KCNH1: variants seen among roughly 807,000 people sequenced by gnomAD.
KCNH1 encodes potassium voltage-gated channel subfamily H member 1, also known as voltage-gated delayed rectifier potassium channel KCNH1.
A neutral mutation model predicts 69.2 loss-of-function variants in KCNH1; 27 were observed. That is an observed-to-expected ratio of 0.39 (90% CI 0.29 to 0.54). The LOEUF is 0.54. KCNH1 is among the 20% of genes least tolerant of loss of function. The pLI is 0.68. For missense variants in KCNH1, 798 were observed against 1,261.6 expected (o/e 0.63, Z 5.57); for synonymous variants, 456 against 487.7 (o/e 0.93, Z 0.86).
Position 210,775,357 on chromosome 1 carries a change from C to T in KCNH1, c.2103G>A (p.Leu701=), listed in dbSNP as rs765689724. 1 of 1,614,022 alleles carries T rather than the reference C, an allele frequency of 6.2e-7. No individual in the cohort carries two copies. The highest frequency in any genetic ancestry group is 8.5e-7 in the Non-Finnish European group (1 of 1,179,940). Residue 701 remains leucine, a synonymous_variant, in exon 10 of 11, where the codon TTG becomes TTA. Coordinates refer to ENST00000271751, the MANE Select transcript of KCNH1 (RefSeq NM_172362.3). ...FSRNLILTYN[L]RKRIVFRKIS... is the part of the protein sequence containing the mutation. ...GAAACTTTTAGCTCACCCTCTTCCT[C>T]AAGTTGTACGTCAGAATCAGGTTCC...
chr1:210,714,328 G>T (rs1682158103), intron 10 of KCNH1, among the ~76,000 whole-genome samples: 1 of 152,198 alleles, frequency 6.6e-6, no homozygotes, highest in African/African-American at 2.4e-5. Flanking sequence ...TTTCGAGGTA[G>T]ACAAAAGGGT....
chr1:210,865,081 A>G lies in KCNH1; in HGVS notation c.1462+54559T>C, dbSNP rs1431390884. 2.0e-5 allele frequency among the ~76,000 whole-genome samples: 3 copies of G among 152,348 alleles called. No homozygotes were observed. The East Asian group carries it at 5.8e-4, about 29-fold the overall frequency. The stretch of plus-strand genomic sequence containing the variant: ...TTCTGCCATAGCCACAAGGCTTTCC[A>G]GGTTCAAGGGTAGAGAACAAGTATC... On this transcript the variant is annotated intron_variant, in intron 7 of 10. Transcript: ENST00000271751.
chr1:211,014,401 G>A (rs116111160), intron 6 of KCNH1, among the ~76,000 whole-genome samples: 1,774 of 152,174 alleles, frequency 0.012, 40 homozygotes, highest in African/African-American at 0.04. Flanking sequence ...ATTCTCAAAC[G>A]GCCTCCGAAA....
At chr1:210,758,386 G>T (rs1348792712) in intron 10 of KCNH1, among the ~76,000 whole-genome samples, 2 of 152,154 alleles carry the variant, frequency 1.3e-5, no homozygotes, top group Non-Finnish European at 2.9e-5. Context: ...TGAAGCCAAG[G>T]TTTCTCCCAG....
At chr1:210,840,845 C>T (rs931172136) in intron 7 of KCNH1, among the ~76,000 whole-genome samples, 1 of 152,174 alleles carries the variant, frequency 6.6e-6, no homozygotes, top group Non-Finnish European at 1.5e-5. Context: ...AAATCACAAG[C>T]TCACCAAAAC....
intron 6 of KCNH1, among the ~76,000 whole-genome samples, chr1:210,979,198 G>C (rs536236518): frequency 1.3e-5 from 2 of 152,164 alleles, no homozygotes; most frequent in Admixed American, 6.5e-5. Flanking sequence ...GCCAAACCTC[G>C]ATGCTAACAA....
At chr1:210,902,053 A>G (rs957538446) in intron 7 of KCNH1, among the ~76,000 whole-genome samples, 8 of 152,068 alleles carry the variant, frequency 5.3e-5, no homozygotes, top group Non-Finnish European at 1.2e-4. Flanking sequence ...AGAAGAGTGG[A>G]GGGGCCCCAG....
rs1288913682 is a variant in KCNH1, at chr1:211,134,080, G to A, written c.-135C>T. ...CGGCGGGGATCCGCAGGCAGGGCTG[G>A]CGGCTCCCTCTGGCTGCTACCCTCG... On this transcript the variant is annotated 5_prime_UTR_variant, in exon 1 of 11. Coordinates refer to ENST00000271751, the MANE Select transcript of KCNH1 (RefSeq NM_172362.3). This position sits in a 1 kb window ranked among gnomAD's most constrained non-coding sequence, Gnocchi z 5.7. 3 of 708,224 alleles carry A rather than the reference G, an allele frequency of 4.2e-6. No homozygotes were observed. The highest frequency in any genetic ancestry group is 5.4e-5 in the Admixed American group (2 of 36,940). 43.9% of individuals were successfully genotyped at this position (708,224 alleles called of 1,614,324 possible). A position where few individuals can be genotyped will look rare whatever the true frequency, so the allele number is the denominator to read the frequency against.
At chr1:210,788,529 G>C (rs1346925749) in intron 9 of KCNH1, among the ~76,000 whole-genome samples, 1 of 152,084 alleles carries the variant, frequency 6.6e-6, no homozygotes, top group Non-Finnish European at 1.5e-5. Context: ...TTCGGGGACT[G>C]TAAACCAATT....
At chr1:211,002,026 T>TG (rs1235601786) in intron 6 of KCNH1, among the ~76,000 whole-genome samples, 1,562 of 80,060 alleles carry the variant, frequency 0.02, 32 homozygotes, top group African/African-American at 0.056. Flanking sequence ...GTGGGGGGAG[T>TG]GGGGGGGGAT....
chr1:211,120,563 A>T (rs1691667691), intron 1 of KCNH1, among the ~76,000 whole-genome samples: 1 of 152,168 alleles, frequency 6.6e-6, no homozygotes, highest in Admixed American at 6.5e-5. Context: ...TATTATAGAC[A>T]ATTTGAACAA....
chr1:210,874,649 G>A lies in KCNH1; in HGVS notation c.1462+44991C>T, dbSNP rs566701080. On this transcript the variant is annotated intron_variant, in intron 7 of 10. Transcript: ENST00000271751. Reference sequence around the variant, plus strand: ...AGCACTGAATACTGTGCAGAACCATGTCAGGCACAATACAATAGATTTTTA... The same window carrying A: ...AGCACTGAATACTGTGCAGAACCATATCAGGCACAATACAATAGATTTTTA... 9.2e-5 allele frequency among the ~76,000 whole-genome samples: 14 copies of A among 152,234 alleles called. No homozygotes were observed. In the East Asian group the frequency reaches 2.7e-3, roughly 29 times the overall value.
chr1:210,984,620 A>T (rs1688791631), intron 6 of KCNH1, among the ~76,000 whole-genome samples: 5 of 152,230 alleles, frequency 3.3e-5, no homozygotes. Flanking sequence ...CCCAGGGATG[A>T]AGCCCACTTG....
At chr1:210,893,762 C>T (rs1349788477) in intron 7 of KCNH1, among the ~76,000 whole-genome samples, 1 of 151,990 alleles carries the variant, frequency 6.6e-6, no homozygotes, top group African/African-American at 2.4e-5. Flanking sequence ...CATAGCTCTT[C>T]GAAGCCTCTT....
intron 4 of KCNH1, 43 bp downstream of exon 4, chr1:211,090,519 C>T (rs747807709): frequency 1.6e-5 from 24 of 1,547,138 alleles, no homozygotes; most frequent in Admixed American, 2.2e-5. Context: ...ACAATAAAGA[C>T]AAAAAAGGCA....
chr1:210,967,373 C>T (rs967101303), intron 6 of KCNH1, among the ~76,000 whole-genome samples: 1 of 151,954 alleles, frequency 6.6e-6, no homozygotes, highest in African/African-American at 2.4e-5. Context: ...ATACCCTCTG[C>T]TATGCAAAGG....
chr1:211,078,175 G>A (rs184459206), intron 5 of KCNH1, among the ~76,000 whole-genome samples: 2 of 152,206 alleles, frequency 1.3e-5, no homozygotes, highest in African/African-American at 2.4e-5. Context: ...TCATGGGAGA[G>A]GTTAATAACC....
intron 7 of KCNH1, among the ~76,000 whole-genome samples, chr1:210,914,819 A>G (rs1687302370): frequency 6.6e-6 from 1 of 152,118 alleles, no homozygotes; most frequent in Non-Finnish European, 1.5e-5. Context: ...AAAGAAATGA[A>G]TTCAAAGAGA....
At chr1:210,907,310 C>T (rs1340302477) in intron 7 of KCNH1, among the ~76,000 whole-genome samples, 1 of 152,102 alleles carries the variant, frequency 6.6e-6, no homozygotes, top group Non-Finnish European at 1.5e-5. Flanking sequence ...ACTCACTCTA[C>T]TGGGAAGCAT....
Sources: gnomAD v4.1 joint callset for allele counts (sites outside exome capture counted in the v4.1 genomes callset) on GRCh38, gnomAD v4.1.1 for gene constraint, Gnocchi (gnomAD v3.1) non-coding constraint, MANE v1.5 for transcripts, NCBI Gene and HGNC (gene_info 2026-07-23, HGNC 2026-07-21) for gene names.